NXPE2: variants seen among roughly 807,000 people sequenced by gnomAD.
NXPE2 encodes the protein neurexophilin and PC-esterase domain family member 2.
A neutral mutation model predicts 34.4 loss-of-function variants in NXPE2; 34 were observed. That is an observed-to-expected ratio of 0.99 (90% CI 0.75 to 1.31). NXPE2 has a LOEUF of 1.31. Among genes scored for constraint, NXPE2 ranks in the 40% most tolerant of loss-of-function variants. The pLI, the probability that NXPE2 is intolerant of heterozygous loss-of-function variation, is 0.00. For missense variants in NXPE2, 649 were observed against 672.5 expected, an observed-to-expected ratio of 0.97 and a Z score of 0.39; for synonymous variants, 235 against 231.3, an observed-to-expected ratio of 1.02 and a Z score of -0.15.
intron 2 of NXPE2, among the ~76,000 whole-genome samples, chr11:114,680,045 TTCTC>T (rs1468154429): frequency 1.3e-5 from 2 of 152,170 alleles, no homozygotes; most frequent in Non-Finnish European, 2.9e-5. Context: ...TGCGTCAAAA[TTCTC>T]TCCTCCTCCC....
At chr11:114,564,341 C>A in the NXPE2 span, among the ~76,000 whole-genome samples, 3 of 152,116 alleles carry the variant, frequency 2.0e-5, no homozygotes, top group African/African-American at 7.2e-5. Flanking sequence ...GGATAAAAGA[C>A]TACACATTGG....
chr11:114,477,212 A>G, the NXPE2 span, among the ~76,000 whole-genome samples: 25,704 of 152,088 alleles, frequency 0.17, 2,575 homozygotes, highest in African/African-American at 0.26. Context: ...AAGGACTTGG[A>G]GCAAAACGAA....
At chr11:114,756,941 G>A in the NXPE2 span, among the ~76,000 whole-genome samples, 1 of 152,100 alleles carries the variant, frequency 6.6e-6, no homozygotes, top group East Asian at 1.9e-4. Flanking sequence ...GCATTGGATG[G>A]ATTAACCAAT....
the NXPE2 span, among the ~76,000 whole-genome samples, chr11:114,792,605 A>G: frequency 4.1e-4 from 63 of 152,330 alleles, no homozygotes; most frequent in Non-Finnish European, 7.5e-4. Flanking sequence ...GATACCAGCC[A>G]TCCACAGATG....
the NXPE2 span, chr11:114,513,233 C>T: frequency 3.8e-6 from 2 of 526,582 alleles, no homozygotes; most frequent in Non-Finnish European, 7.6e-6. Context: ...GTGCGTGTCT[C>T]GAGGGTTGAG....
upstream of NXPE2, among the ~76,000 whole-genome samples, chr11:114,675,904 T>C (rs149699791): frequency 4.0e-5 from 6 of 151,740 alleles, no homozygotes; most frequent in African/African-American, 1.5e-4. Context: ...AACAGACACA[T>C]AGAAGAATGG....
chr11:114,544,822 T>C, the NXPE2 span, among the ~76,000 whole-genome samples: 2 of 152,076 alleles, frequency 1.3e-5, no homozygotes, highest in Non-Finnish European at 2.9e-5. Context: ...AAAACACTTA[T>C]CAGGTAAAGG....
the NXPE2 span, among the ~76,000 whole-genome samples, chr11:114,574,513 G>A: frequency 2.0e-5 from 3 of 152,150 alleles, no homozygotes; most frequent in South Asian, 6.2e-4. Flanking sequence ...AATAAAACAG[G>A]AGATATTACA....
At chr11:114,584,946 G>A in the NXPE2 span, among the ~76,000 whole-genome samples, 1 of 152,240 alleles carries the variant, frequency 6.6e-6, no homozygotes, top group Admixed American at 6.5e-5. Context: ...CCAGGTCTGG[G>A]TGAAGGGAAT....
the NXPE2 span, among the ~76,000 whole-genome samples, chr11:114,539,517 C>G: frequency 6.6e-6 from 1 of 152,046 alleles, no homozygotes; most frequent in African/African-American, 2.4e-5. Context: ...TTTTAAAGGT[C>G]TGAATGAATG....
chr11:114,522,436 T>A, the NXPE2 span: 1 of 1,613,590 alleles, frequency 6.2e-7, no homozygotes, highest in African/African-American at 1.3e-5. Flanking sequence ...TCTGAGTGTG[T>A]CTTTCTGCAT....
At chr11:114,632,862 A>T in the NXPE2 span, among the ~76,000 whole-genome samples, 1 of 44,754 alleles carries the variant, frequency 2.2e-5, no homozygotes, top group Non-Finnish European at 3.8e-5. Flanking sequence ...TAATTATATA[A>T]TATATAATTA....
chr11:114,617,165 G>T, the NXPE2 span, among the ~76,000 whole-genome samples: 22 of 151,976 alleles, frequency 1.4e-4, no homozygotes, highest in East Asian at 2.3e-3. Flanking sequence ...GGTAACCATT[G>T]TTACCCAGTG....
the NXPE2 span, among the ~76,000 whole-genome samples, chr11:114,769,119 AAAAC>A: frequency 6.6e-6 from 1 of 152,118 alleles, no homozygotes; most frequent in African/African-American, 2.4e-5. Context: ...GCAAGAAAAA[AAAAC>A]AACCCCATCA....
the NXPE2 span, chr11:114,551,171 G>T: frequency 6.5e-7 from 1 of 1,535,176 alleles, no homozygotes; most frequent in South Asian, 1.2e-5. Context: ...AAGATCAGCA[G>T]CGTTTTTTGA....
the NXPE2 span, among the ~76,000 whole-genome samples, chr11:114,792,817 C>T: frequency 6.6e-6 from 1 of 152,208 alleles, no homozygotes; most frequent in Non-Finnish European, 1.5e-5. Context: ...TATGTTATCT[C>T]ATTTAGTCCT....
At chr11:114,487,708 T>A in the NXPE2 span, among the ~76,000 whole-genome samples, 1 of 152,194 alleles carries the variant, frequency 6.6e-6, no homozygotes. Context: ...CCAGTTTTTT[T>A]AAGGGTTTTT....
downstream of NXPE2, among the ~76,000 whole-genome samples, chr11:114,708,078 A>G (rs1194620182): frequency 6.6e-6 from 1 of 152,214 alleles, no homozygotes; most frequent in Non-Finnish European, 1.5e-5. Flanking sequence ...CCATAATTTG[A>G]AGACATGTGC....
chr11:114,677,830 A>G (rs886951368), upstream of NXPE2, among the ~76,000 whole-genome samples: 1 of 152,120 alleles, frequency 6.6e-6, no homozygotes, highest in African/African-American at 2.4e-5. Flanking sequence ...AGAGCAATGC[A>G]TACTGAGTGT....
Sources: gnomAD v4.1 joint callset for allele counts (sites outside exome capture counted in the v4.1 genomes callset) on GRCh38, gnomAD v4.1.1 for gene constraint, MANE v1.5 for transcripts, NCBI Gene and HGNC (gene_info 2026-07-23, HGNC 2026-07-21) for gene names.